Variants in KCNN2 observed in about 807,000 individuals in gnomAD.
The protein encoded by KCNN2 is small conductance calcium-activated potassium channel protein 2.
Under a neutral mutation model 55.5 loss-of-function variants are expected in KCNN2, and 24 were observed. That is an observed-to-expected ratio of 0.43 (90% CI 0.31 to 0.61). KCNN2 has a LOEUF of 0.61. Among genes scored for constraint, KCNN2 ranks in the 20% least tolerant of loss-of-function variants. The pLI is 0.08. For synonymous variants in KCNN2, 431 were observed against 336.1 expected, an observed-to-expected ratio of 1.28 and a Z score of -3.09; for missense variants, 754 against 853.6, an observed-to-expected ratio of 0.88 and a Z score of 1.45.
chr5:114,056,625 T>G, intron 1 of KCNN2: 1 of 390,536 alleles, frequency 2.6e-6, no homozygotes, highest in Non-Finnish European at 4.5e-6. Flanking sequence ...CTTGCTTACT[T>G]TTCTCCAGCA....
At chr5:114,142,762 A>G (rs918845642) in intron 1 of KCNN2, among the ~76,000 whole-genome samples, 2 of 152,242 alleles carry the variant, frequency 1.3e-5, no homozygotes, top group African/African-American at 2.4e-5. Flanking sequence ...CATAGGAAGA[A>G]TCAATATCGT....
chr5:114,216,818 G>T (rs1754013175), intron 1 of KCNN2, among the ~76,000 whole-genome samples: 1 of 152,008 alleles, frequency 6.6e-6, no homozygotes, highest in Admixed American at 6.6e-5. Flanking sequence ...TGAGAAGACA[G>T]AAATAATACT....
chr5:114,329,805 C>T (rs148263353), intron 2 of KCNN2, among the ~76,000 whole-genome samples: 123 of 152,298 alleles, frequency 8.1e-4, no homozygotes, highest in African/African-American at 3.0e-3. Flanking sequence ...CCCAGAAATT[C>T]TCTTCAATCT....
intron 1 of KCNN2, among the ~76,000 whole-genome samples, chr5:114,060,233 C>T (rs1216235915): frequency 6.6e-6 from 1 of 152,216 alleles, no homozygotes; most frequent in African/African-American, 2.4e-5. Context: ...CTGGCCCTGC[C>T]CTGCTACATT....
intron 3 of KCNN2, among the ~76,000 whole-genome samples, chr5:114,461,015 G>T (rs1167914131): frequency 6.6e-6 from 1 of 152,138 alleles, no homozygotes; most frequent in Non-Finnish European, 1.5e-5. Flanking sequence ...TTACTAGAGA[G>T]CCCCAATATT....
chr5:114,379,359 T>C (rs895081033), intron 2 of KCNN2, among the ~76,000 whole-genome samples: 28 of 151,494 alleles, frequency 1.8e-4, no homozygotes, highest in Admixed American at 5.3e-4. Flanking sequence ...TTTCCAAACT[T>C]ATTGACTCTT....
intron 3 of KCNN2, among the ~76,000 whole-genome samples, chr5:114,441,579 C>T (rs1760216897): frequency 6.6e-6 from 1 of 152,158 alleles, no homozygotes; most frequent in Non-Finnish European, 1.5e-5. Flanking sequence ...GCAATAAACA[C>T]TATATTCCTA....
intron 2 of KCNN2, among the ~76,000 whole-genome samples, chr5:114,344,619 G>A (rs959781856): frequency 6.6e-6 from 1 of 152,170 alleles, no homozygotes; most frequent in African/African-American, 2.4e-5. Flanking sequence ...GTGACCCAAG[G>A]GACTGACCAT....
rs116668946 is a variant in KCNN2, at chr5:114,479,859, A to G, written c.1890+6695A>G. On this transcript the variant is annotated intron_variant, in intron 5 of 7. Transcript: ENST00000673685. ...GAGAACAAAGAGGCAACGTAGCAGA[A>G]TCTCTGGGATGCAGCTAAAGCAGTG... 5.2e-3 allele frequency among the ~76,000 whole-genome samples: 786 copies of G among 152,338 alleles called. 12 individuals carry two copies. The highest frequency in any genetic ancestry group is 0.018 in the African/African-American group (732 of 41,578).
intron 1 of KCNN2, among the ~76,000 whole-genome samples, chr5:114,100,018 T>A (rs1486626148): frequency 1.3e-5 from 2 of 152,058 alleles, no homozygotes; most frequent in Admixed American, 1.3e-4. Context: ...AATATCTTAT[T>A]CCTAATTTAA....
At chr5:114,256,966 A>C (rs977551554) in intron 2 of KCNN2, among the ~76,000 whole-genome samples, 1 of 151,888 alleles carries the variant, frequency 6.6e-6, no homozygotes, top group Non-Finnish European at 1.5e-5. Context: ...GATTTTCCTA[A>C]GTTTTCTTCT....
At chr5:114,461,623 A>G (rs902564935) in intron 3 of KCNN2, among the ~76,000 whole-genome samples, 2 of 152,206 alleles carry the variant, frequency 1.3e-5, no homozygotes, top group South Asian at 4.1e-4. Flanking sequence ...ATGTCCAAAG[A>G]TAGAGTGTAA....
At chr5:114,487,303 T>C in intron 6 of KCNN2, 126 bp downstream of exon 6, 1 of 807,488 alleles carries the variant, frequency 1.2e-6, no homozygotes, top group South Asian at 1.7e-5. Context: ...CAGAAGATGT[T>C]ATCTGGCAAT....
At chr5:114,491,028 C>T (rs990114804) in intron 6 of KCNN2, among the ~76,000 whole-genome samples, 3 of 152,186 alleles carry the variant, frequency 2.0e-5, no homozygotes, top group South Asian at 4.1e-4. Context: ...ATTCAAGTTC[C>T]GATAGCTAAA....
chr5:114,186,526 A>T (rs571266295), intron 1 of KCNN2, among the ~76,000 whole-genome samples: 4 of 152,280 alleles, frequency 2.6e-5, no homozygotes, highest in Middle Eastern at 3.4e-3. Flanking sequence ...TGAGCTCAAA[A>T]ACAAAAGAAT....
At chr5:114,248,826 A>T (rs1044347786) in intron 2 of KCNN2, among the ~76,000 whole-genome samples, 1 of 152,180 alleles carries the variant, frequency 6.6e-6, no homozygotes, top group African/African-American at 2.4e-5. Flanking sequence ...TGCCCCTATT[A>T]ATCCATAAGT....
intron 1 of KCNN2, among the ~76,000 whole-genome samples, chr5:114,171,145 G>A (rs781278782): frequency 6.6e-6 from 1 of 151,688 alleles, no homozygotes; most frequent in African/African-American, 2.4e-5. Context: ...TTCTTATATT[G>A]TATGCATCAA....
chr5:114,172,652 T>C (rs1753062110), intron 1 of KCNN2, among the ~76,000 whole-genome samples: 1 of 148,842 alleles, frequency 6.7e-6, no homozygotes, highest in Non-Finnish European at 1.5e-5. Context: ...ATATATAATA[T>C]ATATTATGTT....
intron 1 of KCNN2, among the ~76,000 whole-genome samples, chr5:114,212,003 A>T (rs1170037987): frequency 6.6e-6 from 1 of 151,310 alleles, no homozygotes; most frequent in Non-Finnish European, 1.5e-5. Flanking sequence ...TATATATTTT[A>T]TTATATGAGC....
Sources: gnomAD v4.1 joint callset for allele counts (sites outside exome capture counted in the v4.1 genomes callset) on GRCh38, gnomAD v4.1.1 for gene constraint, MANE v1.5 for transcripts, NCBI Gene and HGNC (gene_info 2026-07-23, HGNC 2026-07-21) for gene names.